ASXL2: variants seen among roughly 807,000 people sequenced by gnomAD.
The protein encoded by ASXL2 is ASXL transcriptional regulator 2, also known as putative Polycomb group protein ASXL2.
In ASXL2, 23 loss-of-function variants were observed where a neutral mutation model predicts 122.0. The observed-to-expected ratio is 0.19, with a 90% CI of 0.14 to 0.27. The LOEUF is 0.27. ASXL2 is among the 10% of genes least tolerant of loss of function. The pLI is 1.00. For missense variants in ASXL2, 1,518 were observed against 1,713.8 expected, an observed-to-expected ratio of 0.89 and a Z score of 2.02; for synonymous variants, 650 against 637.0, an observed-to-expected ratio of 1.02 and a Z score of -0.31.
chr2:25,811,569 G>T (rs1231226897), intron 3 of ASXL2, among the ~76,000 whole-genome samples: 2 of 151,878 alleles, frequency 1.3e-5, no homozygotes, highest in East Asian at 3.9e-4. Context: ...AACCATAAAT[G>T]TAAATTACCA....
At chr2:25,869,059 G>T (rs1055474905) in intron 1 of ASXL2, among the ~76,000 whole-genome samples, 1 of 151,654 alleles carries the variant, frequency 6.6e-6, no homozygotes, top group Non-Finnish European at 1.5e-5. Context: ...CAGCTACTCG[G>T]GAGGCTGAGG....
chr2:25,877,533 G>C (rs1313271725), intron 1 of ASXL2, among the ~76,000 whole-genome samples: 1 of 151,928 alleles, frequency 6.6e-6, no homozygotes, highest in East Asian at 1.9e-4. Context: ...CTTGTTCAGA[G>C]TAGGTCTCTA....
chr2:25,790,725 T>C (rs1197774695), intron 5 of ASXL2, among the ~76,000 whole-genome samples: 2 of 151,388 alleles, frequency 1.3e-5, no homozygotes, highest in Non-Finnish European at 2.9e-5. Context: ...CAAAAGACGC[T>C]AGTTTATTAA....
chr2:25,753,734 A>G, intron 10 of ASXL2, 95 bp from the exon 11 acceptor site: 1 of 929,608 alleles, frequency 1.1e-6, no homozygotes, highest in Non-Finnish European at 1.7e-6. Flanking sequence ...AGGAATTGGA[A>G]TACTACCATG....
chr2:25,865,210 C>T (rs1156251490), intron 1 of ASXL2, among the ~76,000 whole-genome samples: 1 of 148,652 alleles, frequency 6.7e-6, no homozygotes, highest in Non-Finnish European at 1.5e-5. Context: ...GTGGGTGGCT[C>T]ACTTGAGGCC....
chr2:25,777,197 C>A (rs1188110179), intron 5 of ASXL2, among the ~76,000 whole-genome samples: 1 of 152,152 alleles, frequency 6.6e-6, no homozygotes, highest in African/African-American at 2.4e-5. Context: ...CAAGCAATCT[C>A]CTACCTTCGC....
At chr2:25,842,784 GTGTGTGTGTA>G (rs1049899670) in intron 2 of ASXL2, among the ~76,000 whole-genome samples, 23 of 126,524 alleles carry the variant, frequency 1.8e-4, no homozygotes, top group African/African-American at 7.5e-4. Flanking sequence ...GTGTGTGTGT[GTGTGTGTGTA>G]TATATATATA....
chr2:25,745,794 C>T (rs1250603026), intron 12 of ASXL2, among the ~76,000 whole-genome samples: 1 of 151,416 alleles, frequency 6.6e-6, no homozygotes, highest in Non-Finnish European at 1.5e-5. Context: ...CAGGTGCCTG[C>T]CACCACACCC....
intron 1 of ASXL2, among the ~76,000 whole-genome samples, chr2:25,864,669 T>TA (rs561412231): frequency 1.3e-4 from 19 of 148,432 alleles, no homozygotes; most frequent in African/African-American, 3.7e-4. Context: ...TAGTACTATT[T>TA]AAAAAAAAAA....
chr2:25,755,102 T>C (rs975669626), intron 10 of ASXL2, among the ~76,000 whole-genome samples: 3 of 152,240 alleles, frequency 2.0e-5, no homozygotes, highest in African/African-American at 7.2e-5. Flanking sequence ...GGCTATTCTT[T>C]GGTATACGAC....
chr2:25,766,242 A>T (rs967188113), intron 8 of ASXL2, among the ~76,000 whole-genome samples: 2 of 151,246 alleles, frequency 1.3e-5, no homozygotes, highest in African/African-American at 4.9e-5. Flanking sequence ...CGAGATCTTT[A>T]AAAAAAAACA....
chr2:25,854,233 T>C (rs1304655799), intron 1 of ASXL2, among the ~76,000 whole-genome samples: 1 of 152,178 alleles, frequency 6.6e-6, no homozygotes, highest in Non-Finnish European at 1.5e-5. Context: ...GAAAAAAAGC[T>C]CTCAACCAAA....
chr2:25,785,850 CA>C (rs1375016595), intron 5 of ASXL2, among the ~76,000 whole-genome samples: 1 of 152,002 alleles, frequency 6.6e-6, no homozygotes, highest in African/African-American at 2.4e-5. Context: ...ACCTGGCCTA[CA>C]AAAACAACAA....
chr2:25,855,367 G>A (rs1355174043), intron 1 of ASXL2, among the ~76,000 whole-genome samples: 1 of 152,070 alleles, frequency 6.6e-6, no homozygotes. Context: ...GAAACATGGT[G>A]AAACTCTATC....
intron 1 of ASXL2, among the ~76,000 whole-genome samples, chr2:25,853,721 G>A (rs1346026055): frequency 2.0e-5 from 3 of 151,896 alleles, no homozygotes; most frequent in Non-Finnish European, 4.4e-5. Flanking sequence ...ATAGCTCACT[G>A]CAGCCTCGAA....
chr2:25,872,170 C>A (rs1359141113), intron 1 of ASXL2, among the ~76,000 whole-genome samples: 1 of 152,006 alleles, frequency 6.6e-6, no homozygotes, highest in Non-Finnish European at 1.5e-5. Context: ...TTGCGAGAGC[C>A]CAAGAATTTG....
chr2:25,800,229 T>C (rs781243114), intron 4 of ASXL2, among the ~76,000 whole-genome samples: 3 of 152,094 alleles, frequency 2.0e-5, no homozygotes, highest in Admixed American at 2.0e-4. Context: ...CCCAGGAAGT[T>C]TGAGGCTGCA....
chr2:25,841,738 G>A (rs2089581994), intron 2 of ASXL2, among the ~76,000 whole-genome samples: 1 of 152,062 alleles, frequency 6.6e-6, no homozygotes, highest in Non-Finnish European at 1.5e-5. Context: ...ACGAGGTCAG[G>A]AGATCGAGAC....
At chr2:25,804,664 C>G (rs770663372) in intron 4 of ASXL2, among the ~76,000 whole-genome samples, 4 of 152,168 alleles carry the variant, frequency 2.6e-5, no homozygotes, top group Non-Finnish European at 5.9e-5. Flanking sequence ...AATAAATTGT[C>G]TTACTCAAAC....
Sources: allele counts gnomAD v4.1 joint callset (sites outside exome capture counted in the v4.1 genomes callset), GRCh38; gene constraint gnomAD v4.1.1; transcripts MANE v1.5; gene names NCBI Gene and HGNC (gene_info 2026-07-23, HGNC 2026-07-21).